Variants in NTM observed in about 807,000 individuals in gnomAD.
NTM encodes the protein neurotrimin, also known as IgLON family member 2.
A neutral mutation model predicts 42.1 loss-of-function variants in NTM; 13 were observed. The ratio of observed to expected loss-of-function variants is 0.31; its 90% CI spans 0.20 to 0.49. The LOEUF (loss-of-function observed/expected upper bound fraction) is 0.49, where lower values mean the gene tolerates loss of function less well. Among genes scored for constraint, NTM ranks in the 20% least tolerant of loss-of-function variants. NTM has a pLI of 0.99. For synonymous variants in NTM, 187 were observed against 179.2 expected (o/e 1.04, Z -0.35); for missense variants, 373 against 452.8 (o/e 0.82, Z 1.60).
intron 7 of NTM, among the ~76,000 whole-genome samples, chr11:132,322,585 C>A (rs1383920358): frequency 1.0e-5 from 1 of 99,024 alleles, no homozygotes; most frequent in African/African-American, 4.0e-5. Flanking sequence ...TAATGGGAGA[C>A]TTTAACACCC....
At chr11:131,657,294 G>A (rs779181072) in intron 1 of NTM, among the ~76,000 whole-genome samples, 22 of 152,122 alleles carry the variant, frequency 1.4e-4, no homozygotes, top group Non-Finnish European at 2.8e-4. Flanking sequence ...GCCAGCCTTC[G>A]ATTTGGGAAA....
intron 4 of NTM, among the ~76,000 whole-genome samples, chr11:132,238,339 G>A (rs1018856010): frequency 2.6e-5 from 4 of 152,124 alleles, no homozygotes; most frequent in African/African-American, 4.8e-5. Context: ...CAGAGGGCAC[G>A]CATCCTCTGT....
chr11:131,564,747 C>T (rs115154687), intron 1 of NTM, among the ~76,000 whole-genome samples: 184 of 152,296 alleles, frequency 1.2e-3, no homozygotes, highest in African/African-American at 4.0e-3. Flanking sequence ...AGCCCCTTAA[C>T]AATTGTGACT....
intron 1 of NTM, among the ~76,000 whole-genome samples, chr11:131,582,692 C>A (rs554271366): frequency 9.9e-5 from 15 of 152,188 alleles, no homozygotes; most frequent in Admixed American, 2.6e-4. Context: ...ATAGTTAACA[C>A]GCAATACTTA....
At chr11:131,476,143 T>C (rs927282368) in intron 1 of NTM, among the ~76,000 whole-genome samples, 4 of 152,200 alleles carry the variant, frequency 2.6e-5, no homozygotes, top group African/African-American at 7.2e-5. Flanking sequence ...GTTAACTAAA[T>C]CTATACTTAC....
intron 2 of NTM, among the ~76,000 whole-genome samples, chr11:132,066,727 C>T (rs931520535): frequency 6.6e-6 from 1 of 151,998 alleles, no homozygotes; most frequent in African/African-American, 2.4e-5. Context: ...ATTCACATTG[C>T]TTTCTCTTCT....
chr11:132,164,086 C>G (rs2074871112), intron 3 of NTM, among the ~76,000 whole-genome samples: 1 of 152,108 alleles, frequency 6.6e-6, no homozygotes, highest in Non-Finnish European at 1.5e-5. Flanking sequence ...TTCTCTTGCC[C>G]CTTGATGAAA....
intron 1 of NTM, among the ~76,000 whole-genome samples, chr11:131,493,781 C>G (rs1955049367): frequency 6.6e-6 from 1 of 152,150 alleles, no homozygotes; most frequent in East Asian, 1.9e-4. Context: ...CACTGTACCT[C>G]CCTATTCCTT....
chr11:132,272,884 CAT>C (rs1176120386), intron 4 of NTM, among the ~76,000 whole-genome samples: 7 of 152,044 alleles, frequency 4.6e-5, no homozygotes, highest in Non-Finnish European at 8.8e-5. Flanking sequence ...CTGGATACAA[CAT>C]AGAGTACAAT....
At chr11:131,389,029 G>GAAAAGAAAAGAA in intron 1 of NTM, among the ~76,000 whole-genome samples, 1 of 126,622 alleles carries the variant, frequency 7.9e-6, no homozygotes, top group Non-Finnish European at 1.7e-5. Context: ...AAAAAAAAAA[G>GAAAAGAAAAGAA]AAAAGAAAAG....
rs141812744 is a variant in NTM at position 131,906,949 on chromosome 11, A to G, written c.83-4615A>G. 1.4e-3 allele frequency among the ~76,000 whole-genome samples: 212 copies of G among 152,350 alleles called. 1 individual carries two copies. The highest frequency in any genetic ancestry group is 2.3e-3 in the Non-Finnish European group (156 of 68,042). ...TATTCATAGAGGAGCAAAAAATAGC[A>G]TATATTTTTCCAGTTCCCAGCCCTT... is the stretch of plus-strand genomic sequence containing the variant. On this transcript the variant is annotated intron_variant, in intron 1 of 8. Coordinates refer to ENST00000683400, the MANE Select transcript of NTM (RefSeq NM_001352005.2).
At chr11:131,440,744 A>G (rs1266905708) in intron 1 of NTM, among the ~76,000 whole-genome samples, 1 of 145,010 alleles carries the variant, frequency 6.9e-6, no homozygotes, top group East Asian at 2.2e-4. Flanking sequence ...TGAGTGACGG[A>G]ATGTAACTCT....
At chr11:131,762,255 A>G (rs2084333465) in intron 1 of NTM, among the ~76,000 whole-genome samples, 1 of 152,210 alleles carries the variant, frequency 6.6e-6, no homozygotes, top group South Asian at 2.1e-4. Flanking sequence ...AAAATAGTAC[A>G]AAGAGCCCTT....
chr11:131,507,034 C>T (rs2136423000), intron 1 of NTM, among the ~76,000 whole-genome samples: 1 of 152,250 alleles, frequency 6.6e-6, no homozygotes, highest in Non-Finnish European at 1.5e-5. Context: ...TCTGTGAAGC[C>T]ACGTCCCTTA....
chr11:131,911,009 C>G, intron 1 of NTM: 5 of 1,004,132 alleles, frequency 5.0e-6, no homozygotes, highest in Non-Finnish European at 6.0e-6. Flanking sequence ...CCGAAACTTA[C>G]AAAGTGTTGG....
chr11:131,910,626 C>A (rs1395038942), intron 1 of NTM, among the ~76,000 whole-genome samples: 2 of 150,654 alleles, frequency 1.3e-5, no homozygotes, highest in African/African-American at 4.8e-5. Context: ...GGGCTGCTCC[C>A]GGGAGGAAGG....
intron 2 of NTM, among the ~76,000 whole-genome samples, chr11:131,952,981 T>C (rs1336396219): frequency 1.3e-5 from 2 of 152,200 alleles, no homozygotes; most frequent in African/African-American, 4.8e-5. Flanking sequence ...TTAAAGTCTC[T>C]GATATAAGAA....
chr11:132,155,594 C>G (rs1230184006), intron 3 of NTM, among the ~76,000 whole-genome samples: 1 of 152,200 alleles, frequency 6.6e-6, no homozygotes, highest in Non-Finnish European at 1.5e-5. Context: ...CCTCAGCTCT[C>G]TTGCCACCAT....
chr11:132,051,176 T>C (rs564975450), intron 2 of NTM, among the ~76,000 whole-genome samples: 1 of 152,346 alleles, frequency 6.6e-6, no homozygotes, highest in South Asian at 2.1e-4. Flanking sequence ...ATACAGATAG[T>C]GCCTACCTTT....
Sources: allele counts gnomAD v4.1 joint callset (sites outside exome capture counted in the v4.1 genomes callset), GRCh38; gene constraint gnomAD v4.1.1; transcripts MANE v1.5; gene names NCBI Gene and HGNC (gene_info 2026-07-23, HGNC 2026-07-21).